The following LYPD5 variants were observed in gnomAD, a reference collection of about 807,000 sequenced individuals.
LYPD5 encodes LY6/PLAUR domain containing 5.
In LYPD5, 21 loss-of-function variants were observed where a neutral mutation model predicts 19.1. That is an observed-to-expected ratio of 1.10 (90% CI 0.78 to 1.58). The LOEUF is 1.58. Ranked by LOEUF, LYPD5 falls within the 40% of genes most tolerant of loss-of-function variation. The probability of loss-of-function intolerance (pLI) is 0.00; values close to 1 mark genes in which losing one functional copy is unlikely to be tolerated. For missense variants in LYPD5, 287 were observed against 329.8 expected (o/e 0.87, Z 1.00); for synonymous variants, 128 against 142.7 (o/e 0.90, Z 0.74).
At chr19:43,803,520 C>G (rs924158043), upstream of LYPD5, among the ~76,000 whole-genome samples, 2 of 152,162 alleles carry the variant, frequency 1.3e-5, no homozygotes, top group African/African-American at 4.8e-5. Flanking sequence ...GTCTCAGACC[C>G]ACATCTGGAT....
intron 1 of LYPD5, among the ~76,000 whole-genome samples, chr19:43,819,140 T>A (rs73558915): frequency 0.028 from 4,217 of 152,224 alleles, 195 homozygotes; most frequent in African/African-American, 0.096. Flanking sequence ...TAGCCTCTAT[T>A]GCATCAGTGT....
chr19:43,799,174 T>G, intron 2 of LYPD5, 186 bp from the exon 3 acceptor site: 2 of 630,716 alleles, frequency 3.2e-6, no homozygotes, highest in South Asian at 2.1e-5. Context: ...TTCCTCCCTG[T>G]GCGCCTCTCC....
At position 43,798,917 on chromosome 19, in the gene LYPD5, T is replaced by C. The variant is rs1367790868; in HGVS notation, c.265A>G (p.Asn89Asp). The change falls in exon 3 of 5, where the codon AAC (asparagine) becomes GAC (aspartate). Residue 89 changes from asparagine (N) to aspartate (D), a missense_variant. Physicochemically the swap from Asn to Asp is conservative, Grantham distance 23. Coordinates refer to ENST00000377950, the MANE Select transcript of LYPD5 (RefSeq NM_001031749.3). ...TGPPAGQTQS[N>D]ADALPPDYSV... is the part of the protein sequence containing the mutation. The stretch of plus-strand genomic sequence containing the variant: ...TAGTCTGGCGGCAGCGCGTCCGCGT[T>C]CGATTGCGTCTGGCCCGCAGGAGGC... 5.0e-6 allele frequency: 8 copies of C among 1,595,754 alleles called. No individual in the cohort carries two copies. The highest frequency in any genetic ancestry group is 6.8e-6 in the Non-Finnish European group (8 of 1,171,862).
chr19:43,800,143 C>A (rs1970204068), intron 1 of LYPD5: 1 of 235,680 alleles, frequency 4.2e-6, no homozygotes, highest in Admixed American at 5.5e-5. Context: ...TTCATTCTTG[C>A]TCTGCCCATC....
Position 43,797,388 on chromosome 19 carries a change from C to A in LYPD5, c.*203G>T. ...GGCACGACATGGCTGTTTTGCCCTC[C>A]CCGGGGATGCTGGTGACTGTGTCCA... On this transcript the variant is annotated 3_prime_UTR_variant, in exon 5 of 5. Transcript: ENST00000377950. 1.8e-6 allele frequency: 1 copy of A among 565,248 alleles called. No individual in the cohort carries two copies. The allele number at this position is 565,248 out of a possible 1,614,324, so 35.0% of individuals were successfully genotyped here.
At position 43,813,114 on chromosome 19, in the gene LYPD5, T is replaced by C. The variant is rs768281845; in HGVS notation, c.-66+7426A>G. Among the ~76,000 whole-genome samples, 7 of 152,198 alleles carry C rather than the reference T, an allele frequency of 4.6e-5. 1 individual carries two copies. The South Asian group carries it at 1.0e-3, about 22-fold the overall frequency. On this transcript the variant is annotated intron_variant, in intron 1 of 4. Coordinates refer to the LYPD5 transcript ENST00000414615. The stretch of plus-strand genomic sequence containing the variant: ...GAGATGTCTTGTGTAATTACGTTAC[T>C]ATGAGGTAGCTGGCTGGTCTCCTTG...
chr19:43,797,593 A>G lies in LYPD5; in HGVS notation c.754T>C (p.Ter252GlnextTer99), dbSNP rs767263086. ...PVLLLVGLSA[*>Q] ...CCCCAGCATCCTGGAGGGGCGGTCT[A>G]TGCTGAGAGCCCCACCAGCAGGAGG... Residue 252 changes from the stop codon to glutamine (Q), a stop_lost, in exon 5 of 5, where the codon TAG becomes CAG. Coordinates refer to ENST00000377950, the MANE Select transcript of LYPD5 (RefSeq NM_001031749.3). 1 of 1,598,734 alleles carries G rather than the reference A, an allele frequency of 6.3e-7. No individual in the cohort carries two copies. The highest frequency in any genetic ancestry group is 8.5e-7 in the Non-Finnish European group (1 of 1,170,258).
At chr19:43,802,275 C>T in intron 1 of LYPD5, 42 bp downstream of exon 1, 1 of 1,529,816 alleles carries the variant, frequency 6.5e-7, no homozygotes. Context: ...GGAGTCCAGG[C>T]CACCTGCCCC....
In LYPD5 at chr19:43,798,475, C is replaced by G; in HGVS notation, c.497G>C (p.Gly166Ala). ...CHQDQTACFQ[G>A]NGRMTVGNFS... ...CTTACCAACTGTCATTCTGCCATTG[C>G]CCTGGAAGCAGGCGGTCTGGTCCTG... The change falls in exon 4 of 5, where the codon GGC (glycine) becomes GCC (alanine). Residue 166 changes from glycine to alanine, a missense_variant. Physicochemically the swap from Gly to Ala is moderately conservative, Grantham distance 60 (BLOSUM62 0). Coordinates refer to ENST00000377950, the MANE Select transcript of LYPD5 (RefSeq NM_001031749.3). The G allele has an allele frequency of 6.2e-7, 1 of 1,608,276 alleles. No individual in the cohort carries two copies. The highest frequency in any genetic ancestry group is 8.5e-7 in the Non-Finnish European group (1 of 1,180,004).
chr19:43,819,624 G>A (rs571414304), intron 1 of LYPD5, among the ~76,000 whole-genome samples: 6 of 152,218 alleles, frequency 3.9e-5, no homozygotes, highest in South Asian at 4.2e-4. Context: ...AAAGGAGAAC[G>A]TGTAACCCTG....
upstream of LYPD5, among the ~76,000 whole-genome samples, chr19:43,804,658 A>G (rs910325122): frequency 6.6e-6 from 1 of 151,974 alleles, no homozygotes; most frequent in African/African-American, 2.4e-5. Context: ...TCCTCTTCCC[A>G]TCAGGCCTCA....
At chr19:43,798,077 C>T (rs1315861846) in intron 4 of LYPD5, among the ~76,000 whole-genome samples, 1 of 142,964 alleles carries the variant, frequency 7.0e-6, no homozygotes, top group Non-Finnish European at 1.5e-5. Flanking sequence ...CTCCCCCAGA[C>T]CAGGGTTATG....
At chr19:43,815,697 T>C in intron 1 of LYPD5, 1 of 312,042 alleles carries the variant, frequency 3.2e-6, no homozygotes, top group Non-Finnish European at 6.2e-6. Context: ...ATATGTTATA[T>C]ATAAACACAC....
Position 43,799,700 on chromosome 19 carries a change from C to CA in LYPD5, c.193+5_193+6insT. On this transcript the variant is annotated splice_donor_region_variant and intron_variant, in intron 2 of 4. Coordinates refer to ENST00000377950, the MANE Select transcript of LYPD5 (RefSeq NM_001031749.3). Reference sequence around the variant, plus strand: ...TCATCCCTGTCCCCCGGCTCCCGCTCCTTACCGGTGTCCAGAGACAGGATA... The same window carrying CA: ...TCATCCCTGTCCCCCGGCTCCCGCTCACTTACCGGTGTCCAGAGACAGGATA... 6.2e-7 allele frequency: 1 copy of CA among 1,612,776 alleles called. No homozygotes were observed. Among genetic ancestry groups the CA allele is most frequent in the East Asian group, 2.2e-5 (1 of 44,860 alleles).
chr19:43,804,267 G>A (rs1358036856), upstream of LYPD5, among the ~76,000 whole-genome samples: 5 of 152,048 alleles, frequency 3.3e-5, no homozygotes, highest in Admixed American at 1.3e-4. Context: ...CACCCCTATC[G>A]CCCAGTCTCT....
chr19:43,798,311 A>T (rs1329947241), intron 4 of LYPD5, 144 bp downstream of exon 4: 1 of 707,482 alleles, frequency 1.4e-6, no homozygotes, highest in Non-Finnish European at 1.9e-6. Flanking sequence ...CCAGGGTCAA[A>T]CCTTCTCCCT....
At chr19:43,819,797 G>A (rs349027) in intron 1 of LYPD5, among the ~76,000 whole-genome samples, 130,497 of 152,124 alleles carry the variant, frequency 0.86, 56,573 homozygotes, top group African/African-American at 0.94. Flanking sequence ...TCCAGCTAGC[G>A]GAAAGTGTAG....
At chr19:43,814,735 A>G (rs546231626) in intron 1 of LYPD5, among the ~76,000 whole-genome samples, 3 of 152,208 alleles carry the variant, frequency 2.0e-5, no homozygotes, top group Non-Finnish European at 2.9e-5. Flanking sequence ...AAGGAACAAC[A>G]TAGCTGCAAC....
Position 43,799,819 on chromosome 19 carries a change from T to C in LYPD5, c.80A>G (p.Gln27Arg), listed in dbSNP as rs750691245. Residue 27 changes from glutamine (Q) to arginine (R), a missense_variant, in exon 2 of 5, where the codon CAG (glutamine) becomes CGG (arginine). Gln to Arg is a conservative substitution (Grantham distance 43). Transcript: ENST00000377950. ...ALCLTGSQAL[Q>R]CYSFEHTYFG... ...GTAGGTGTGCTCAAAGCTGTAGCAC[T>C]GCAGGGCTTGGGACCCTGGGGAGAG... 1.2e-6 allele frequency: 2 copies of C among 1,612,586 alleles called. No individual in the cohort carries two copies. Among genetic ancestry groups the C allele is most frequent in the South Asian group, 1.1e-5 (1 of 90,514 alleles).
Sources: gnomAD v4.1 joint callset for allele counts (sites outside exome capture counted in the v4.1 genomes callset) on GRCh38, gnomAD v4.1.1 for gene constraint, MANE v1.5 for transcripts, NCBI Gene and HGNC (gene_info 2026-07-23, HGNC 2026-07-21) for gene names.